The following ATXN3 variants were observed in gnomAD, a reference collection of about 807,000 sequenced individuals.
ATXN3 encodes the protein ataxin-3.
ATXN3 carries 28 observed loss-of-function variants against 58.2 expected under a neutral mutation model. The ratio of observed to expected loss-of-function variants is 0.48; its 90% CI spans 0.36 to 0.66. The LOEUF is 0.66. ATXN3 is among the 30% of genes least tolerant of loss of function. ATXN3 has a pLI of 0.00. For synonymous variants in ATXN3, 113 were observed against 138.5 expected, an observed-to-expected ratio of 0.82 and a Z score of 1.29; for missense variants, 321 against 422.1, an observed-to-expected ratio of 0.76 and a Z score of 2.10.
At chr14:92,088,139 G>C (rs535903273) in intron 6 of ATXN3, among the ~76,000 whole-genome samples, 160 of 151,854 alleles carry the variant, frequency 1.1e-3, no homozygotes, top group African/African-American at 3.5e-3. Flanking sequence ...CGCGATCTCA[G>C]CTCACTGCAA....
At chr14:92,047,548 C>A (rs2057433135) in intron 2 of ATXN3, among the ~76,000 whole-genome samples, 1 of 152,010 alleles carries the variant, frequency 6.6e-6, no homozygotes, top group East Asian at 1.9e-4. Context: ...GTGTCCCATA[C>A]TTGTGGGTTA....
chr14:92,104,696 C>T lies in ATXN3; in HGVS notation c.24+1833G>A, dbSNP rs542469912. On this transcript the variant is annotated intron_variant, in intron 1 of 10. Coordinates refer to ENST00000644486, the MANE Select transcript of ATXN3 (RefSeq NM_004993.6). ...ATCCCAGCACTTTGGGAGGCCGAGGCGGGCGGACCACCTGTCAGGAGTTGG... is the reference window on the plus strand; with the variant it reads ...ATCCCAGCACTTTGGGAGGCCGAGGTGGGCGGACCACCTGTCAGGAGTTGG... Among the ~76,000 whole-genome samples the T allele has an allele frequency of 2.3e-3, 354 of 151,472 alleles. 2 individuals are homozygous for T. The highest frequency in any genetic ancestry group is 3.1e-3 in the Non-Finnish European group (209 of 67,838).
chr14:92,072,694 T>TAAAAAAA (rs33967699), intron 9 of ATXN3, among the ~76,000 whole-genome samples: 3 of 90,982 alleles, frequency 3.3e-5, no homozygotes, highest in Admixed American at 1.3e-4. Context: ...AGCTATAGGT[T>TAAAAAAA]AAAAAAAAAA....
At chr14:92,077,871 TC>T (rs1208829455) in intron 9 of ATXN3, among the ~76,000 whole-genome samples, 3 of 151,894 alleles carry the variant, frequency 2.0e-5, no homozygotes, top group Admixed American at 2.0e-4. Context: ...GGTCTTGAAC[TC>T]ATGGCCTCAA....
chr14:92,090,770 T>C (rs1017703481), intron 5 of ATXN3, among the ~76,000 whole-genome samples: 2 of 152,132 alleles, frequency 1.3e-5, no homozygotes, highest in African/African-American at 2.4e-5. Context: ...TGCAAATTAA[T>C]ACAACCTTAA....
chr14:92,071,007 C>CT lies in ATXN3; in HGVS notation c.918_919insA (p.Asp307ArgfsTer11). ...GGATGTGAACTCTGTCCTGATAGGT[C>CT]CCCCTGCTGCTGCTGCTGCTGCTGC... On this transcript the variant is annotated frameshift_variant, in exon 10 of 11. Transcript: ENST00000644486. LOFTEE classifies it high-confidence loss of function. The CT allele has an allele frequency of 7.3e-6, 3 of 410,784 alleles. No individual in the cohort carries two copies. Among genetic ancestry groups the CT allele is most frequent in the Non-Finnish European group, 1.0e-5 (3 of 295,866 alleles). The allele number at this position is 410,784 out of a possible 1,614,324, so 25.4% of individuals were successfully genotyped here.
chr14:92,070,087 C>A (rs2059167535), intron 10 of ATXN3, among the ~76,000 whole-genome samples: 1 of 152,044 alleles, frequency 6.6e-6, no homozygotes, highest in Admixed American at 6.6e-5. Context: ...TTTAAGAGTT[C>A]TTTATATATT....
rs756818179 is a variant in ATXN3, at chr14:92,083,087, ATAC to A, written c.608+36_608+38del. The A allele has an allele frequency of 1.6e-4, 253 of 1,565,804 alleles. 1 individual carries two copies. The highest frequency in any genetic ancestry group is 1.7e-4 in the Middle Eastern group (1 of 5,854). On this transcript the variant is annotated intron_variant, in intron 7 of 10. Transcript: ENST00000644486. ...ATGAAAATTTAATTCTCATAATGAAATACTACCATATATTCCATACTGCAGGCC... is the reference window on the plus strand; with the variant it reads ...ATGAAAATTTAATTCTCATAATGAAATACCATATATTCCATACTGCAGGCC...
chr14:92,065,889 AAAT>A (rs146832756), intron 10 of ATXN3, among the ~76,000 whole-genome samples: 18 of 151,476 alleles, frequency 1.2e-4, no homozygotes, highest in Admixed American at 1.1e-3. Flanking sequence ...TAAAAAAGAA[AAAT>A]AATAATAATG....
chr14:92,106,245 A>G (rs942703092), intron 1 of ATXN3, among the ~76,000 whole-genome samples: 1 of 152,072 alleles, frequency 6.6e-6, no homozygotes, highest in African/African-American at 2.4e-5. Flanking sequence ...GAAAGGCAGA[A>G]GCAAACCCAC....
chr14:92,106,574 G>A lies in ATXN3; in HGVS notation c.-22C>T, dbSNP rs1325002578. 8 of 1,611,992 alleles carry A rather than the reference G, an allele frequency of 5.0e-6. No individual in the cohort carries two copies. The East Asian group carries it at 1.1e-4, about 23-fold the overall frequency. Reference sequence around the variant, plus strand: ...CCATGTTTATTTGTCTGGAGCCAACGGCCCCCACGCCGAACCACCCCCTCC... The same window carrying A: ...CCATGTTTATTTGTCTGGAGCCAACAGCCCCCACGCCGAACCACCCCCTCC... On this transcript the variant is annotated 5_prime_UTR_variant, in exon 1 of 11. Transcript: ENST00000644486.
intron 1 of ATXN3, among the ~76,000 whole-genome samples, chr14:92,099,581 A>C (rs746678958): frequency 1.3e-5 from 2 of 152,238 alleles, no homozygotes; most frequent in Non-Finnish European, 2.9e-5. Flanking sequence ...TTTGAAAAAT[A>C]GCCAAGGCTG....
intron 1 of ATXN3, among the ~76,000 whole-genome samples, chr14:92,100,368 A>G (rs1448970008): frequency 1.3e-5 from 2 of 152,156 alleles, no homozygotes; most frequent in Non-Finnish European, 2.9e-5. Context: ...TAGCATTACT[A>G]TTTGTAGTAA....
intron 9 of ATXN3, among the ~76,000 whole-genome samples, chr14:92,078,623 A>G (rs928111188): frequency 6.6e-6 from 1 of 152,132 alleles, no homozygotes; most frequent in African/African-American, 2.4e-5. Context: ...TCAGCCTCCC[A>G]AAGTGCTGGG....
At chr14:92,099,049 G>A (rs931052506) in intron 1 of ATXN3, among the ~76,000 whole-genome samples, 1 of 152,132 alleles carries the variant, frequency 6.6e-6, no homozygotes, top group Non-Finnish European at 1.5e-5. Context: ...ACAGATGGAT[G>A]GATCCCTCCC....
At position 92,073,838 on chromosome 14, in the gene ATXN3, C is replaced by CA. The variant is rs565352190; in HGVS notation, c.873-2786dup. On this transcript the variant is annotated intron_variant, in intron 9 of 10. Transcript: ENST00000644486. ...TGGGTGACAGAGTGAGACTCTGTCT[C>CA]AAAAAAAACAAAACAAAAACAAAAA... 1.3e-4 allele frequency among the ~76,000 whole-genome samples: 20 copies of CA among 149,256 alleles called. No individual in the cohort carries two copies. In the South Asian group the frequency reaches 2.3e-3, roughly 18 times the overall value.
intron 9 of ATXN3, among the ~76,000 whole-genome samples, chr14:92,074,617 G>A (rs10146087): frequency 6.6e-6 from 1 of 152,048 alleles, no homozygotes; most frequent in Non-Finnish European, 1.5e-5. Flanking sequence ...TTGTGGTACT[G>A]TGGAGGCCTG....
At chr14:92,067,569 G>A (rs751908477) in intron 10 of ATXN3, among the ~76,000 whole-genome samples, 2 of 152,124 alleles carry the variant, frequency 1.3e-5, no homozygotes, top group East Asian at 1.9e-4. Context: ...GCTAATTTTT[G>A]TATTTTTAGT....
intron 5 of ATXN3, 81 bp downstream of exon 5, chr14:92,093,171 G>T: frequency 1.1e-6 from 1 of 930,232 alleles, no homozygotes; most frequent in Non-Finnish European, 1.6e-6. Flanking sequence ...GTTGGCATGA[G>T]CCACCACACC....
Sources: allele counts gnomAD v4.1 joint callset (sites outside exome capture counted in the v4.1 genomes callset), GRCh38; gene constraint gnomAD v4.1.1; transcripts MANE v1.5; gene names NCBI Gene and HGNC (gene_info 2026-07-23, HGNC 2026-07-21).